CPXM2: variants seen among roughly 807,000 people sequenced by gnomAD.
The protein encoded by CPXM2 is inactive carboxypeptidase-like protein X2.
A neutral mutation model predicts 86.1 loss-of-function variants in CPXM2; 66 were observed. The ratio of observed to expected loss-of-function variants is 0.77; its 90% CI spans 0.63 to 0.94. The LOEUF is 0.94. Among genes scored for constraint, CPXM2 ranks in the 40% least tolerant of loss-of-function variants. The pLI is 0.00. For synonymous variants in CPXM2, 388 were observed against 400.2 expected (o/e 0.97, Z 0.36); for missense variants, 948 against 1,026.3 (o/e 0.92, Z 1.04).
intron 3 of CPXM2, among the ~76,000 whole-genome samples, chr10:123,857,305 T>A (rs1037674063): frequency 1.3e-5 from 2 of 152,144 alleles, no homozygotes; most frequent in African/African-American, 2.4e-5. Context: ...CAGGTATTTC[T>A]GTAGTAACAC....
intron 2 of CPXM2, among the ~76,000 whole-genome samples, chr10:123,900,626 G>A (rs1945374301): frequency 6.6e-6 from 1 of 152,176 alleles, no homozygotes; most frequent in Non-Finnish European, 1.5e-5. Flanking sequence ...GATTCAGATG[G>A]GTACCACCCA....
At chr10:123,871,746 TTATTCAAAAGACACTTC>T (rs1158335100) in intron 2 of CPXM2, among the ~76,000 whole-genome samples, 1 of 152,122 alleles carries the variant, frequency 6.6e-6, no homozygotes, top group Non-Finnish European at 1.5e-5. Flanking sequence ...AGAGCATTTA[TTATTCAAAAGACACTTC>T]TACTAGAGTT....
At chr10:123,835,545 T>C (rs769904176) in intron 4 of CPXM2, among the ~76,000 whole-genome samples, 1 of 152,208 alleles carries the variant, frequency 6.6e-6, no homozygotes, top group Non-Finnish European at 1.5e-5. Flanking sequence ...CTAAACACTA[T>C]GGTTCAGAAA....
chr10:123,943,077 A>C (rs1275930581), upstream of CPXM2, among the ~76,000 whole-genome samples: 3 of 152,190 alleles, frequency 2.0e-5, no homozygotes, highest in Non-Finnish European at 2.9e-5. Context: ...GGTTTTAGTA[A>C]GCGAACTCTG....
Position 123,918,573 on chromosome 10 carries a change from T to A in CPXM2, n.174+20904A>T, listed in dbSNP as rs1444967384. Among the ~76,000 whole-genome samples the A allele has an allele frequency of 3.3e-5, 5 of 152,194 alleles. No homozygotes were observed. In the South Asian group the frequency reaches 1.0e-3, roughly 31 times the overall value. On this transcript the variant is annotated intron_variant and non_coding_transcript_variant, in intron 2 of 19. Transcript: ENST00000368854. ...TGTGGCAGATGTTATGTGCACAGAA[T>A]AAGTTCCAAGAGAAATCCTCCCTTT...
chr10:123,866,465 C>T (rs981122406), intron 2 of CPXM2, among the ~76,000 whole-genome samples: 4 of 151,732 alleles, frequency 2.6e-5, no homozygotes, highest in Non-Finnish European at 5.9e-5. Flanking sequence ...CTCGGGACGG[C>T]GAGGCAGGAG....
At chr10:123,805,999 AT>A (rs2134082723) in intron 4 of CPXM2, among the ~76,000 whole-genome samples, 1 of 152,286 alleles carries the variant, frequency 6.6e-6, no homozygotes, top group African/African-American at 2.4e-5. Flanking sequence ...TGTATTTTAA[AT>A]TTTATAAAAT....
At chr10:123,905,754 C>T (rs1945433502) in intron 2 of CPXM2, among the ~76,000 whole-genome samples, 1 of 152,138 alleles carries the variant, frequency 6.6e-6, no homozygotes, top group Non-Finnish European at 1.5e-5. Flanking sequence ...GCCCTCTTGC[C>T]TGTAGTTTCT....
chr10:123,840,045 A>G (rs936095071), intron 4 of CPXM2, among the ~76,000 whole-genome samples: 1 of 152,216 alleles, frequency 6.6e-6, no homozygotes, highest in African/African-American at 2.4e-5. Context: ...TGAGCTTTAT[A>G]CCTACCTTTC....
At chr10:123,824,654 C>T (rs938102537) in intron 4 of CPXM2, among the ~76,000 whole-genome samples, 2 of 152,206 alleles carry the variant, frequency 1.3e-5, no homozygotes, top group African/African-American at 2.4e-5. Context: ...ACTTTCAAGC[C>T]AGGCAGAACT....
rs59998562 is a variant in CPXM2 at position 123,794,768 on chromosome 10, TGC to T, written c.889+3206_889+3207del. Reference sequence around the variant, plus strand: ...GTGTGTGTGTGTGTGTGTGTGTGTGTGCGCATGTGTGTGTGTATTTGAGACAG... The same window carrying T: ...GTGTGTGTGTGTGTGTGTGTGTGTGTGCATGTGTGTGTGTATTTGAGACAG... On this transcript the variant is annotated intron_variant, in intron 6 of 13. Coordinates refer to ENST00000241305, the MANE Select transcript of CPXM2 (RefSeq NM_198148.3). Among the ~76,000 whole-genome samples, 234 of 147,570 alleles carry T rather than the reference TGC, an allele frequency of 1.6e-3. 1 individual carries two copies. Among genetic ancestry groups the T allele is most frequent in the African/African-American group, 4.6e-3 (176 of 38,508 alleles).
chr10:123,830,016 A>G (rs886331522), intron 4 of CPXM2, among the ~76,000 whole-genome samples: 9 of 152,162 alleles, frequency 5.9e-5, no homozygotes, highest in African/African-American at 1.9e-4. Flanking sequence ...CAGATGGTTC[A>G]AAGATGTCAA....
chr10:123,843,430 C>CTTTT (rs1295436202), intron 3 of CPXM2, among the ~76,000 whole-genome samples: 1 of 104,440 alleles, frequency 9.6e-6, no homozygotes, highest in African/African-American at 3.9e-5. Flanking sequence ...TTTCACAGAG[C>CTTTT]TATTTTTTTT....
chr10:123,838,880 C>T (rs1375205033), intron 4 of CPXM2, among the ~76,000 whole-genome samples: 2 of 152,312 alleles, frequency 1.3e-5, no homozygotes, highest in South Asian at 4.2e-4. Flanking sequence ...CACACAGATA[C>T]TTCTACCAAT....
At position 123,745,648 on chromosome 10, in the gene CPXM2, A is replaced by G. The variant is rs1337384263; in HGVS notation, c.*1116T>C. The G allele has an allele frequency of 2.0e-5, 3 of 150,800 alleles. No individual in the cohort carries two copies. Among genetic ancestry groups the G allele is most frequent in the Admixed American group, 6.6e-5 (1 of 15,118 alleles). 9.3% of individuals were successfully genotyped at this position (150,800 alleles called of 1,614,324 possible). A position where few individuals can be genotyped will look rare whatever the true frequency, so the allele number is the denominator to read the frequency against. On this transcript the variant is annotated 3_prime_UTR_variant, in exon 14 of 14. Transcript: ENST00000241305. ...TCACACACACCAGAAGGGTCTTACC[A>G]TTTGCTTTATTTTTTTTTTTCATTT...
chr10:123,937,574 G>A (rs778259585), intron 2 of CPXM2, among the ~76,000 whole-genome samples: 9 of 150,292 alleles, frequency 6.0e-5, no homozygotes, highest in Non-Finnish European at 8.9e-5. Flanking sequence ...TTATCTCTTT[G>A]TTCACTTCCA....
In CPXM2 at chr10:123,754,816, A is replaced by ACCAGCT; in HGVS notation, c.1918-55_1918-54insAGCTGG. The ACCAGCT allele has an allele frequency of 1.0e-6, 1 of 994,252 alleles. No individual in the cohort carries two copies. 61.6% of individuals were successfully genotyped at this position (994,252 alleles called of 1,614,324 possible). ...AGGTCACCGACCAGCTCTGGACACA[A>ACCAGCT]CCGGCACAACAGAGTGGGCTGTCAA... On this transcript the variant is annotated intron_variant, in intron 12 of 13. Coordinates refer to ENST00000241305, the MANE Select transcript of CPXM2 (RefSeq NM_198148.3). The surrounding 1 kb of genome is among the most constrained non-coding windows in gnomAD (Gnocchi z 4.0).
intron 3 of CPXM2, among the ~76,000 whole-genome samples, chr10:123,851,398 G>A (rs1344012420): frequency 6.6e-6 from 1 of 152,212 alleles, no homozygotes; most frequent in African/African-American, 2.4e-5. Flanking sequence ...CAGAACCACA[G>A]TATTGAATTG....
rs968888492 is a variant in CPXM2, at chr10:123,745,842, T to C, written c.*922A>G. ...TGGCATTCTACATATCAAAAATAAC[T>C]CCCAGGCTGATATGAGGCCAACCCA... On this transcript the variant is annotated 3_prime_UTR_variant, in exon 14 of 14. Transcript: ENST00000241305. 6.6e-6 allele frequency: 1 copy of C among 151,950 alleles called. No individual in the cohort carries two copies. Among genetic ancestry groups the C allele is most frequent in the African/African-American group, 2.4e-5 (1 of 41,370 alleles). The allele number at this position is 151,950 out of a possible 1,614,324, so 9.4% of individuals were successfully genotyped here.
Sources: gnomAD v4.1 joint callset for allele counts (sites outside exome capture counted in the v4.1 genomes callset) on GRCh38, gnomAD v4.1.1 for gene constraint, Gnocchi (gnomAD v3.1) non-coding constraint, MANE v1.5 for transcripts, NCBI Gene and HGNC (gene_info 2026-07-23, HGNC 2026-07-21) for gene names.